LRRC49: variants seen among roughly 807,000 people sequenced by gnomAD.
The protein encoded by LRRC49 is leucine rich repeat containing 49, also known as leucine-rich repeat-containing protein 49.
LRRC49 carries 50 observed loss-of-function variants against 83.3 expected under a neutral mutation model. The observed-to-expected ratio is 0.60, with a 90% CI of 0.48 to 0.76. The LOEUF (loss-of-function observed/expected upper bound fraction) is 0.76. Among genes scored for constraint, LRRC49 ranks in the 30% least tolerant of loss-of-function variants. The pLI is 0.00. For synonymous variants in LRRC49, 286 were observed against 283.3 expected (o/e 1.01, Z -0.10); for missense variants, 704 against 809.1 (o/e 0.87, Z 1.58).
chr15:70,893,021 G>T, intron 1 of LRRC49, 79 bp downstream of exon 1: 3 of 1,484,942 alleles, frequency 2.0e-6, no homozygotes, highest in Non-Finnish European at 2.8e-6. Context: ...GAGATGGGCT[G>T]TATTATTAGG....
chr15:71,042,216 T>C (rs977082560), intron 15 of LRRC49, among the ~76,000 whole-genome samples: 3 of 152,186 alleles, frequency 2.0e-5, no homozygotes, highest in Non-Finnish European at 4.4e-5. Context: ...CCTGAGCTCC[T>C]GGGCTCAAGA....
Position 70,996,483 on chromosome 15 carries a change from T to C in LRRC49, c.1170-11896T>C, listed in dbSNP as rs1475963765. 2.0e-5 allele frequency among the ~76,000 whole-genome samples: 3 copies of C among 152,166 alleles called. No individual in the cohort carries two copies. In the East Asian group the frequency reaches 5.8e-4, roughly 29 times the overall value. ...CCTCATTCACCTGATTTTCCTTTTA[T>C]GTATGTGGCTACTCTCTCTTTTTTT... On this transcript the variant is annotated intron_variant, in intron 11 of 15. Transcript: ENST00000260382.
chr15:70,870,522 C>A (rs1260457850), intron 1 of LRRC49, among the ~76,000 whole-genome samples: 1 of 152,186 alleles, frequency 6.6e-6, no homozygotes, highest in East Asian at 1.9e-4. Flanking sequence ...TGGAATTTTG[C>A]TCTTATTGCC....
At chr15:70,943,560 A>G (rs986212673) in intron 8 of LRRC49, among the ~76,000 whole-genome samples, 7 of 152,196 alleles carry the variant, frequency 4.6e-5, no homozygotes, top group Admixed American at 6.5e-5. Context: ...CCATATGTGC[A>G]ATGGCCTGCT....
chr15:71,042,540 G>A (rs1028732590), intron 15 of LRRC49, among the ~76,000 whole-genome samples: 3 of 152,064 alleles, frequency 2.0e-5, no homozygotes, highest in Admixed American at 6.5e-5. Flanking sequence ...TCACTCTCTC[G>A]ACTCACAGCC....
intron 11 of LRRC49, among the ~76,000 whole-genome samples, chr15:70,988,160 T>G (rs1183187623): frequency 4.9e-4 from 72 of 147,398 alleles, no homozygotes; most frequent in South Asian, 1.5e-3. Flanking sequence ...GTCTGCTTGG[T>G]GCAGAGCTGA....
At chr15:70,927,174 C>T (rs924362672) in intron 7 of LRRC49, among the ~76,000 whole-genome samples, 1 of 152,148 alleles carries the variant, frequency 6.6e-6, no homozygotes. Context: ...TCTCATTGCT[C>T]AAAATCCTTG....
At chr15:70,925,972 GTATTCTGACTTC>G (rs2035181165) in intron 7 of LRRC49, among the ~76,000 whole-genome samples, 1 of 152,108 alleles carries the variant, frequency 6.6e-6, no homozygotes, top group African/African-American at 2.4e-5. Context: ...TGCCCCACAG[GTATTCTGACTTC>G]TATCCCTGTG....
chr15:71,026,835 G>C (rs1378095389), intron 14 of LRRC49, among the ~76,000 whole-genome samples: 1 of 152,086 alleles, frequency 6.6e-6, no homozygotes, highest in African/African-American at 2.4e-5. Context: ...GTAGATTCTG[G>C]ATATTAGACC....
chr15:70,858,627 C>CA (rs1335797919), intron 1 of LRRC49: 3 of 525,136 alleles, frequency 5.7e-6, no homozygotes, highest in Non-Finnish European at 1.0e-5. Flanking sequence ...ACAAAACAAA[C>CA]AAAAAAAGGA....
At chr15:70,977,878 G>A (rs144359305) in intron 9 of LRRC49, among the ~76,000 whole-genome samples, 1,763 of 152,014 alleles carry the variant, frequency 0.012, 16 homozygotes, top group Non-Finnish European at 0.018. Flanking sequence ...ATGGCTTCTG[G>A]TCCTGATCCT....
chr15:70,931,639 A>G (rs2035411669), intron 7 of LRRC49, among the ~76,000 whole-genome samples: 4 of 152,168 alleles, frequency 2.6e-5, no homozygotes, highest in African/African-American at 9.7e-5. Context: ...CATTGCTCTT[A>G]TAAATTTAAA....
At chr15:70,866,532 A>G (rs2032918402) in intron 1 of LRRC49, among the ~76,000 whole-genome samples, 1 of 152,218 alleles carries the variant, frequency 6.6e-6, no homozygotes, top group Non-Finnish European at 1.5e-5. Context: ...AGGTTTCTGC[A>G]TGGAAATCTT....
Position 70,877,913 on chromosome 15 carries a change from A to T in LRRC49, c.18+4690A>T, listed in dbSNP as rs527794995. ...GGGAGGCTGAGGCAGGTGGATCACG[A>T]GGTCAGGAGATTGAGACCATCCTGG... On this transcript the variant is annotated intron_variant, in intron 2 of 16. Coordinates refer to the LRRC49 transcript ENST00000544974. 1.1e-4 allele frequency among the ~76,000 whole-genome samples: 16 copies of T among 152,266 alleles called. No homozygotes were observed. In the South Asian group the frequency reaches 3.3e-3, roughly 32 times the overall value.
At chr15:70,971,636 A>G (rs2037004114) in intron 9 of LRRC49, among the ~76,000 whole-genome samples, 1 of 152,136 alleles carries the variant, frequency 6.6e-6, no homozygotes, top group Non-Finnish European at 1.5e-5. Context: ...AAGTTGTTTT[A>G]TGAATCTGAG....
At chr15:71,028,061 G>T (rs937288802) in intron 14 of LRRC49, among the ~76,000 whole-genome samples, 1 of 152,158 alleles carries the variant, frequency 6.6e-6, no homozygotes, top group African/African-American at 2.4e-5. Context: ...TGCCCATTCA[G>T]TATAATACTG....
At chr15:70,992,664 C>CCT (rs1212101272) in intron 11 of LRRC49, among the ~76,000 whole-genome samples, 4 of 152,174 alleles carry the variant, frequency 2.6e-5, no homozygotes, top group Non-Finnish European at 5.9e-5. Context: ...ACCTTGTTTG[C>CCT]CTGGGTATCA....
chr15:70,955,927 C>T (rs1484439681), intron 8 of LRRC49, among the ~76,000 whole-genome samples: 2 of 152,130 alleles, frequency 1.3e-5, no homozygotes, highest in South Asian at 2.1e-4. Flanking sequence ...CTTGTGAGCA[C>T]GCTTGATGAT....
chr15:70,891,567 C>CTGTGTGTGTGTGTG (rs3220843), upstream of LRRC49, among the ~76,000 whole-genome samples: 568 of 137,102 alleles, frequency 4.1e-3, 5 homozygotes, highest in Admixed American at 0.011. Flanking sequence ...GGACAAGACT[C>CTGTGTGTGTGTGTG]TGTGTGTGTG....
Sources: allele counts gnomAD v4.1 joint callset (sites outside exome capture counted in the v4.1 genomes callset), GRCh38; gene constraint gnomAD v4.1.1; transcripts MANE v1.5; gene names NCBI Gene and HGNC (gene_info 2026-07-23, HGNC 2026-07-21).